The following CASZ1 variants were observed in gnomAD, a reference collection of about 807,000 sequenced individuals.
CASZ1 encodes the protein castor zinc finger 1.
Under a neutral mutation model 135.2 loss-of-function variants are expected in CASZ1, and 28 were observed. The ratio of observed to expected loss-of-function variants is 0.21; its 90% CI spans 0.15 to 0.28. The LOEUF is 0.28. Among genes scored for constraint, CASZ1 ranks in the 10% least tolerant of loss-of-function variants. The probability of loss-of-function intolerance (pLI) is 1.00; values close to 1 mark genes in which losing one functional copy is unlikely to be tolerated. For synonymous variants in CASZ1, 1,068 were observed against 1,073.4 expected (o/e 0.99, Z 0.10); for missense variants, 2,161 against 2,453.3 (o/e 0.88, Z 2.52).
At chr1:10,670,999 G>C (rs776391415) in intron 4 of CASZ1, among the ~76,000 whole-genome samples, 2 of 152,246 alleles carry the variant, frequency 1.3e-5, no homozygotes, top group Non-Finnish European at 2.9e-5. Context: ...GGGTTCAGCC[G>C]GGTCCCCTGG....
chr1:10,746,362 G>T (rs767011249), intron 2 of CASZ1, among the ~76,000 whole-genome samples: 9 of 151,760 alleles, frequency 5.9e-5, no homozygotes, highest in Non-Finnish European at 1.3e-4. Context: ...AGGGCAGGAG[G>T]TAATTGCCAA....
At chr1:10,722,522 A>C (rs138065601) in intron 2 of CASZ1, among the ~76,000 whole-genome samples, 252 of 152,330 alleles carry the variant, frequency 1.7e-3, no homozygotes, top group Non-Finnish European at 2.4e-3. Flanking sequence ...TGCTCGGAGA[A>C]GGCTTCTTCT....
rs1200227549 is a variant in CASZ1 at position 10,724,264 on chromosome 1, C to T, written c.-76-18720G>A. 6.6e-6 allele frequency among the ~76,000 whole-genome samples: 1 copy of T among 152,204 alleles called. No individual in the cohort carries two copies. The highest frequency in any genetic ancestry group is 1.5e-5 in the Non-Finnish European group (1 of 68,044). On this transcript the variant is annotated intron_variant, in intron 2 of 20. Coordinates refer to ENST00000377022, the MANE Select transcript of CASZ1 (RefSeq NM_001079843.3). The surrounding 1 kb of genome is among the most constrained non-coding windows in gnomAD (Gnocchi z 4.1). ...AAATCATTTCCCAGAGCCACGGCCC[C>T]CTCCCCAGCACCAAGAACCTTTCTG...
chr1:10,768,077 G>A (rs985790559), intron 1 of CASZ1, among the ~76,000 whole-genome samples: 1 of 152,218 alleles, frequency 6.6e-6, no homozygotes. Context: ...CAGGATTCAG[G>A]GAGCCAGGCC....
At chr1:10,648,933 G>T in intron 15 of CASZ1, 137 bp downstream of exon 15, 1 of 1,233,440 alleles carries the variant, frequency 8.1e-7, no homozygotes. Context: ...CACCCTTGCT[G>T]GGGCAGCATC....
chr1:10,665,384 G>A lies in CASZ1; in HGVS notation c.204C>T (p.Gly68=). ...PSQPRDQERS[G]PESGAARAPR... is the part of the protein sequence containing the mutation. ...GGGCCCGGGCTGCCCCAGACTCAGG[G>A]CCACTGCGCTCTTGGTCCCGGGGCT... The change falls in exon 5 of 21, where the codon GGC becomes GGT. Residue 68 remains glycine, a synonymous_variant. Coordinates refer to ENST00000377022, the MANE Select transcript of CASZ1 (RefSeq NM_001079843.3). The A allele has an allele frequency of 1.9e-6, 3 of 1,612,584 alleles. No homozygotes were observed. Among genetic ancestry groups the A allele is most frequent in the African/African-American group, 1.3e-5 (1 of 75,050 alleles).
rs377213934 is a variant in CASZ1, at chr1:10,653,660, C to T, written c.2397G>A (p.Thr799=). The change falls in exon 11 of 21, where the codon ACG becomes ACA. Residue 799 remains threonine, a synonymous_variant. Transcript: ENST00000377022. ...GGCCAGCCAGTATGGGGAAGTAGGGCGTGGGGGTGGGCAGGCCCGAGTTGG... is the reference window on the plus strand; with the variant it reads ...GGCCAGCCAGTATGGGGAAGTAGGGTGTGGGGGTGGGCAGGCCCGAGTTGG... ...ALSNSGLPTP[T]PYFPILAGRG... 7.8e-5 allele frequency: 121 copies of T among 1,554,842 alleles called. 1 individual carries two copies. The East Asian group carries it at 1.1e-3, about 15-fold the overall frequency.
intron 3 of CASZ1, among the ~76,000 whole-genome samples, chr1:10,703,493 A>AT (rs1162652282): frequency 2.0e-5 from 3 of 152,154 alleles, no homozygotes; most frequent in Non-Finnish European, 4.4e-5. Flanking sequence ...CCTCCTTGCC[A>AT]CAAGCCTGGG....
chr1:10,708,080 T>A (rs1212720044), intron 2 of CASZ1, among the ~76,000 whole-genome samples: 1 of 152,194 alleles, frequency 6.6e-6, no homozygotes, highest in African/African-American at 2.4e-5. Flanking sequence ...GTTCCTAATC[T>A]TAAGTACTCT....
chr1:10,793,675 A>T lies in CASZ1; in HGVS notation c.-234+2889T>A, dbSNP rs1317986772. ...TGAAGTTCAACAATATTCCCCATAA[A>T]CTCTCCTTAACCGCCTCTAAGGTGG... On this transcript the variant is annotated intron_variant, in intron 1 of 20. Transcript: ENST00000377022. Among the ~76,000 whole-genome samples the T allele has an allele frequency of 9.7e-5, 11 of 112,930 alleles. No individual in the cohort carries two copies. The East Asian group carries it at 2.3e-3, about 23-fold the overall frequency. The allele number at this position is 112,930 out of a possible 152,430, so 74.1% of individuals were successfully genotyped here.
Position 10,717,004 on chromosome 1 carries a change from C to G in CASZ1, c.-76-11460G>C, listed in dbSNP as rs562959951. On this transcript the variant is annotated intron_variant, in intron 2 of 20. Transcript: ENST00000377022. The surrounding 1 kb of genome is among the most constrained non-coding windows in gnomAD (Gnocchi z 4.6). ...CCCTGCCTTCACCAGCACAGGCAGGCGGGGCACAGACCTAGCAGAGGGCTG... is the reference window on the plus strand; with the variant it reads ...CCCTGCCTTCACCAGCACAGGCAGGGGGGGCACAGACCTAGCAGAGGGCTG... 6.6e-6 allele frequency among the ~76,000 whole-genome samples: 1 copy of G among 152,132 alleles called. No homozygotes were observed. The highest frequency in any genetic ancestry group is 1.5e-5 in the Non-Finnish European group (1 of 68,020).
In CASZ1 at chr1:10,647,992, C is replaced by A. The variant is rs905438811; in HGVS notation, c.3306G>T (p.Gly1102=). 1 of 1,604,158 alleles carries A rather than the reference C, an allele frequency of 6.2e-7. No individual in the cohort carries two copies. Among genetic ancestry groups the A allele is most frequent in the Non-Finnish European group, 8.5e-7 (1 of 1,174,928 alleles). ...VTTATVSSLE[G]PAPSPASVPS... The stretch of plus-strand genomic sequence containing the variant: ...GCACGGAGGCCGGGCTGGGAGCGGG[C>A]CCCTCCAGAGAGGACACCGTGGCCG... The change falls in exon 16 of 21, where the codon GGG becomes GGT. Residue 1102 remains glycine (G), a synonymous_variant. Transcript: ENST00000377022. This position sits in a 1 kb window ranked among gnomAD's most constrained non-coding sequence, Gnocchi z 4.9.
rs1302558726 is a variant in CASZ1, at chr1:10,706,699, T to A, written c.-76-1155A>T. On this transcript the variant is annotated intron_variant, in intron 2 of 20. Coordinates refer to ENST00000377022, the MANE Select transcript of CASZ1 (RefSeq NM_001079843.3). The surrounding 1 kb of genome is among the most constrained non-coding windows in gnomAD (Gnocchi z 4.3). The stretch of plus-strand genomic sequence containing the variant: ...TCTCCACCAGCTTTCGCCGCTTGTG[T>A]TGGGCTGCCCGGGCAGAGGGTGCCC... 6.6e-6 allele frequency among the ~76,000 whole-genome samples: 1 copy of A among 152,124 alleles called. No homozygotes were observed. Among genetic ancestry groups the A allele is most frequent in the Admixed American group, 6.5e-5 (1 of 15,288 alleles).
chr1:10,669,071 C>A (rs759916655), intron 4 of CASZ1, among the ~76,000 whole-genome samples: 1 of 152,244 alleles, frequency 6.6e-6, no homozygotes, highest in African/African-American at 2.4e-5. Context: ...GCTGAGGAGA[C>A]CCTGCACAGG....
rs888335885 is a variant in CASZ1, at chr1:10,724,614, T to A, written c.-76-19070A>T. On this transcript the variant is annotated intron_variant, in intron 2 of 20. Transcript: ENST00000377022. This position sits in a 1 kb window ranked among gnomAD's most constrained non-coding sequence, Gnocchi z 4.1. ...GGGCTCAGGGAGTGGGAGCAGAGAG[T>A]GTTAGAGGTTAGAGAAGCACTTCTC... 6.6e-6 allele frequency among the ~76,000 whole-genome samples: 1 copy of A among 150,646 alleles called. No homozygotes were observed. Among genetic ancestry groups the A allele is most frequent in the African/African-American group, 2.4e-5 (1 of 40,880 alleles).
Position 10,727,266 on chromosome 1 carries a change from A to C in CASZ1, c.-76-21722T>G, listed in dbSNP as rs1031639668. ...TGCAGGCAGGGGCTGCAGAGCCATA[A>C]GGCACCTGCTGTTTGAGCCCAGCCC... On this transcript the variant is annotated intron_variant, in intron 2 of 20. Transcript: ENST00000377022. The surrounding 1 kb of genome is among the most constrained non-coding windows in gnomAD (Gnocchi z 5.3). 2.0e-5 allele frequency among the ~76,000 whole-genome samples: 3 copies of C among 152,106 alleles called. No homozygotes were observed. Among genetic ancestry groups the C allele is most frequent in the Non-Finnish European group, 4.4e-5 (3 of 68,000 alleles).
At chr1:10,754,084 A>T (rs138683577) in intron 2 of CASZ1, among the ~76,000 whole-genome samples, 1 of 152,014 alleles carries the variant, frequency 6.6e-6, no homozygotes, top group Admixed American at 6.6e-5. Context: ...CTTCCTACAG[A>T]TATCGATTAG....
intron 4 of CASZ1, among the ~76,000 whole-genome samples, chr1:10,675,567 C>T (rs927566878): frequency 3.9e-5 from 6 of 152,068 alleles, no homozygotes; most frequent in South Asian, 2.1e-4. Context: ...CAACTCCGCA[C>T]GGACCTGGCT....
rs896063587 is a variant in CASZ1, at chr1:10,705,532, G to A, written c.-64C>T. 6.6e-6 allele frequency: 1 copy of A among 152,376 alleles called. No homozygotes were observed. The highest frequency in any genetic ancestry group is 1.5e-5 in the Non-Finnish European group (1 of 68,156). The allele number at this position is 152,376 out of a possible 1,614,324, so 9.4% of individuals were successfully genotyped here. A position where few individuals can be genotyped will look rare whatever the true frequency, so the allele number is the denominator to read the frequency against. ...AGAACCTCCTCGGATGTAGCTGGGG[G>A]TGTCACTTCATCCTGGAGAGGCAGA... On this transcript the variant is annotated 5_prime_UTR_variant, in exon 3 of 21. Coordinates refer to ENST00000377022, the MANE Select transcript of CASZ1 (RefSeq NM_001079843.3).
Sources: gnomAD v4.1 joint callset for allele counts (sites outside exome capture counted in the v4.1 genomes callset) on GRCh38, gnomAD v4.1.1 for gene constraint, Gnocchi (gnomAD v3.1) non-coding constraint, MANE v1.5 for transcripts, NCBI Gene and HGNC (gene_info 2026-07-23, HGNC 2026-07-21) for gene names.